GGA3: variants seen among roughly 807,000 people sequenced by gnomAD.
GGA3 encodes golgi associated, gamma adaptin ear containing, ARF binding protein 3, also known as ADP-ribosylation factor-binding protein GGA3.
In GGA3, 57 loss-of-function variants were observed where a neutral mutation model predicts 77.5. That is an observed-to-expected ratio of 0.74 (90% confidence interval 0.59 to 0.92). The LOEUF is 0.92. Ranked by LOEUF, GGA3 falls within the 40% of genes least tolerant of loss-of-function variation. GGA3 has a pLI of 0.00. For missense variants in GGA3, 970 were observed against 914.9 expected (o/e 1.06, Z -0.78); for synonymous variants, 416 against 383.7 (o/e 1.08, Z -0.98).
At position 75,237,534 on chromosome 17, in the gene GGA3, T is replaced by C. The variant is rs1388958213; in HGVS notation, c.*745A>G. On this transcript the variant is annotated 3_prime_UTR_variant, in exon 17 of 17. Transcript: ENST00000537686. ...TCCCAGAAAGCTGAGTACCTGCTTC[T>C]GGAGAAGGGGAAATACTGGCTCTCT... 6.5e-7 allele frequency: 1 copy of C among 1,535,836 alleles called. No homozygotes were observed. Among genetic ancestry groups the C allele is most frequent in the African/African-American group, 1.4e-5 (1 of 73,056 alleles).
chr17:75,261,664 G>A, upstream of GGA3: 1 of 1,356,700 alleles, frequency 7.4e-7, no homozygotes, highest in Non-Finnish European at 9.9e-7. Context: ...GCCTGCATGG[G>A]GTCCTGAGAG....
At chr17:75,248,957 AC>A (rs1170579878) in intron 1 of GGA3, 9 of 985,072 alleles carry the variant, frequency 9.1e-6, no homozygotes, top group Non-Finnish European at 1.1e-5. Context: ...CCAGTGTATC[AC>A]CCTGCTTCCC....
At chr17:75,262,023 G>A (rs764641094), upstream of GGA3, 22 of 1,598,368 alleles carry the variant, frequency 1.4e-5, 1 homozygote, top group South Asian at 2.3e-4. Flanking sequence ...GCGCTGCGAG[G>A]AAGGAAGGGG....
chr17:75,262,001 A>T, upstream of GGA3: 1 of 1,486,020 alleles, frequency 6.7e-7, no homozygotes, highest in Non-Finnish European at 8.9e-7. Context: ...GGTGGCGAGC[A>T]GCGGCGGGGG....
In GGA3 at chr17:75,246,525, G is replaced by A. The variant is rs200222650; in HGVS notation, c.185C>T (p.Ala62Val). The A allele has an allele frequency of 7.6e-5, 123 of 1,610,574 alleles. 1 individual carries two copies. The East Asian group carries it at 2.2e-3, about 29-fold the overall frequency. Residue 62 changes from alanine to valine, a missense_variant, in exon 3 of 17, where the codon GCG becomes GTG. Coordinates refer to ENST00000537686, the MANE Select transcript of GGA3 (RefSeq NM_138619.4). Reference sequence around the variant, plus strand: ...AGGACCTACCGTCAGGGCCTGGAGCGCCTCCCATTCCTGTGGGGACTGGAT... The same window carrying A: ...AGGACCTACCGTCAGGGCCTGGAGCACCTCCCATTCCTGTGGGGACTGGAT... ...HKIQSPQEWE[A>V]LQALTVLEAC...
chr17:75,241,803 G>A (rs1420430058), intron 8 of GGA3, 107 bp from the exon 9 acceptor site: 15 of 932,018 alleles, frequency 1.6e-5, no homozygotes, highest in East Asian at 4.8e-5. Context: ...CAATTGCCAC[G>A]GTCAATTACC....
In GGA3 at chr17:75,239,579, G is replaced by GTGGGAAGGA; in HGVS notation, c.1584-17_1584-9dup. 1.3e-6 allele frequency: 2 copies of GTGGGAAGGA among 1,552,744 alleles called. No individual in the cohort carries two copies. Among genetic ancestry groups the GTGGGAAGGA allele is most frequent in the East Asian group, 2.4e-5 (1 of 41,180 alleles). On this transcript the variant is annotated splice_polypyrimidine_tract_variant and intron_variant, in intron 13 of 16. Transcript: ENST00000537686. ...TTCACCAAGCCCGAGGTCCTGGGAG[G>GTGGGAAGGA]TGGGAAGGATGGAAAGCACGTCAGA...
At chr17:75,259,806 T>C (rs969178065) in intron 1 of GGA3, among the ~76,000 whole-genome samples, 9 of 152,186 alleles carry the variant, frequency 5.9e-5, no homozygotes, top group Non-Finnish European at 5.9e-5. Flanking sequence ...CTTATGTCTC[T>C]ACAGATACCA....
rs911610846 is a variant in GGA3 at position 75,239,395 on chromosome 17, G to A, written c.1760C>T (p.Pro587Leu). The change falls in exon 14 of 17, where the codon CCC becomes CTC. Residue 587 changes from proline (P) to leucine (L), a missense_variant. Transcript: ENST00000537686. ...CCTACTAGGCTTGATCGATTCCAGG[G>A]GCACGTGGATGCTGGCCAGGGAGAG... ...PELSLASIHV[P>L]LESIKPSSAL... The A allele has an allele frequency of 6.4e-7, 1 of 1,556,012 alleles. No individual in the cohort carries two copies. The highest frequency in any genetic ancestry group is 8.6e-7 in the Non-Finnish European group (1 of 1,157,752).
chr17:75,243,133 T>G lies in GGA3; in HGVS notation c.458A>C (p.Asp153Ala), dbSNP rs1477348110. The change falls in exon 6 of 17, where the codon GAT (aspartate) becomes GCT (alanine). Residue 153 changes from aspartate to alanine, a missense_variant. Transcript: ENST00000537686. ...TGGTGGAGAGGGGATCAGCGTCCTA[T>G]CCACAGGAATTGGTGGGTCAGACTG... ...IVQSDPPIPV[D>A]RTLIPSPPPR... The G allele has an allele frequency of 1.2e-6, 2 of 1,612,302 alleles. No individual in the cohort carries two copies. The highest frequency in any genetic ancestry group is 2.7e-5 in the African/African-American group (2 of 74,862).
At chr17:75,247,311 G>A (rs548908685) in intron 1 of GGA3, among the ~76,000 whole-genome samples, 8 of 150,270 alleles carry the variant, frequency 5.3e-5, no homozygotes, top group African/African-American at 2.0e-4. Context: ...TGCCCAGGCT[G>A]TAGTACAGTG....
chr17:75,248,073 T>C (rs564862806), intron 1 of GGA3, among the ~76,000 whole-genome samples: 2 of 152,280 alleles, frequency 1.3e-5, no homozygotes, highest in African/African-American at 4.8e-5. Context: ...CAGATCTCTA[T>C]GAGGGCCCAA....
chr17:75,246,851 T>TGG, intron 1 of GGA3, 55 bp from the exon 2 acceptor site: 1 of 1,436,832 alleles, frequency 7.0e-7, no homozygotes, highest in East Asian at 2.3e-5. Flanking sequence ...GAGGATGCAA[T>TGG]GGAAGGTTTT....
chr17:75,237,457 A>C lies in GGA3; in HGVS notation c.*822T>G. On this transcript the variant is annotated 3_prime_UTR_variant, in exon 17 of 17. Coordinates refer to ENST00000537686, the MANE Select transcript of GGA3 (RefSeq NM_138619.4). ...GAGGATAGCAGTTTATTTCATGCCAAGCAAGAGGTAGTCAGTAGGATGGCC... is the reference window on the plus strand; with the variant it reads ...GAGGATAGCAGTTTATTTCATGCCACGCAAGAGGTAGTCAGTAGGATGGCC... The C allele has an allele frequency of 2.6e-6, 4 of 1,532,404 alleles. No individual in the cohort carries two copies. The highest frequency in any genetic ancestry group is 3.5e-6 in the Non-Finnish European group (4 of 1,143,524). The allele number at this position is 1,532,404 out of a possible 1,614,324, so 94.9% of individuals were successfully genotyped here. A position where few individuals can be genotyped will look rare whatever the true frequency, so the allele number is the denominator to read the frequency against.
chr17:75,241,168 C>G, intron 10 of GGA3, 111 bp from the exon 11 acceptor site: 1 of 1,270,548 alleles, frequency 7.9e-7, no homozygotes, highest in Admixed American at 1.8e-5. Context: ...CTGGCCTAAT[C>G]CAACGGCATC....
chr17:75,242,048 T>G (rs778710291), intron 8 of GGA3: 12 of 547,578 alleles, frequency 2.2e-5, no homozygotes, highest in Non-Finnish European at 2.3e-5. Context: ...GTCCCCAAGG[T>G]AGTAAGGAAA....
At chr17:75,248,488 A>AAAAAAAAAAAAG (rs1308157572) in intron 1 of GGA3, among the ~76,000 whole-genome samples, 5 of 138,816 alleles carry the variant, frequency 3.6e-5, no homozygotes, top group African/African-American at 1.3e-4. Context: ...AAAAAAAAAA[A>AAAAAAAAAAAAG]AAAAAATCAC....
intron 1 of GGA3, among the ~76,000 whole-genome samples, chr17:75,248,049 T>C (rs1217079768): frequency 6.6e-6 from 1 of 152,048 alleles, no homozygotes; most frequent in Non-Finnish European, 1.5e-5. Flanking sequence ...CTTAAAACAC[T>C]CCTGCTCCCT....
rs779620659 is a variant in GGA3 at position 75,240,898 on chromosome 17, C to T, written c.1106G>A (p.Arg369His). The stretch of plus-strand genomic sequence containing the variant: ...GGTGGCCTCGGCCTGGCTAGAGGAG[C>T]GGCTCCGTGGAGGTCCTGAGGCCTG... ...PPQASGPPRS[R>H]SSSQAEATLG... The change falls in exon 11 of 17, where the codon CGC becomes CAC. Residue 369 changes from arginine to histidine, a missense_variant. Arg to His is a conservative substitution (Grantham distance 29, BLOSUM62 0). Transcript: ENST00000537686. 25 of 1,613,560 alleles carry T rather than the reference C, an allele frequency of 1.5e-5. No individual in the cohort carries two copies. The highest frequency in any genetic ancestry group is 1.3e-4 in the East Asian group (6 of 44,868).
Sources: gnomAD v4.1 joint callset for allele counts (sites outside exome capture counted in the v4.1 genomes callset) on GRCh38, gnomAD v4.1.1 for gene constraint, MANE v1.5 for transcripts, NCBI Gene and HGNC (gene_info 2026-07-23, HGNC 2026-07-21) for gene names.